CDC42EP4: variants seen among roughly 807,000 people sequenced by gnomAD.
The protein encoded by CDC42EP4 is CDC42 effector protein (Rho GTPase binding) 4.
CDC42EP4 carries 6 observed loss-of-function variants against 5.6 expected under a neutral mutation model. That is an observed-to-expected ratio of 1.07 (90% CI 0.59 to 2.12). The LOEUF is 2.12. Among genes scored for constraint, CDC42EP4 ranks in the 30% most tolerant of loss-of-function variants. The pLI is 0.00. For missense variants in CDC42EP4, 490 were observed against 508.6 expected, an observed-to-expected ratio of 0.96 and a Z score of 0.35; for synonymous variants, 230 against 224.2, an observed-to-expected ratio of 1.03 and a Z score of -0.23.
chr17:73,296,676 C>T (rs1390522779), intron 1 of CDC42EP4, among the ~76,000 whole-genome samples: 2 of 151,686 alleles, frequency 1.3e-5, no homozygotes, highest in African/African-American at 2.4e-5. Context: ...GTTGAAACCC[C>T]GTCTCTACTT....
intron 1 of CDC42EP4, among the ~76,000 whole-genome samples, chr17:73,292,332 T>C (rs542668129): frequency 2.0e-5 from 3 of 152,354 alleles, no homozygotes; most frequent in East Asian, 1.9e-4. Context: ...ATGACTTTAG[T>C]TGTGACCTGG....
chr17:73,305,235 G>A (rs116408409), intron 1 of CDC42EP4, among the ~76,000 whole-genome samples: 10 of 152,190 alleles, frequency 6.6e-5, no homozygotes, highest in African/African-American at 9.7e-5. Flanking sequence ...GCCACCACCC[G>A]AAGCCAGCCA....
chr17:73,305,038 AG>A (rs1019579203), intron 1 of CDC42EP4, among the ~76,000 whole-genome samples: 1 of 152,154 alleles, frequency 6.6e-6, no homozygotes. Flanking sequence ...CAGGAGGTGA[AG>A]GGGAAACCTT....
rs1002422770 is a variant in CDC42EP4 at position 73,304,654 on chromosome 17, G to A, written c.-113+7239C>T. Among the ~76,000 whole-genome samples, 4 of 149,754 alleles carry A rather than the reference G, an allele frequency of 2.7e-5. No individual in the cohort carries two copies. In the Admixed American group the frequency reaches 2.7e-4, roughly 10 times the overall value. On this transcript the variant is annotated intron_variant, in intron 1 of 1. Coordinates refer to ENST00000335793, the MANE Select transcript of CDC42EP4 (RefSeq NM_012121.5). ...CCACTCCACCATAAGGAACATCGGG[G>A]TGGGGGGGGCGGGTGGTGCGAGGGG...
chr17:73,288,264 C>T (rs2062143918), intron 1 of CDC42EP4, among the ~76,000 whole-genome samples: 1 of 152,126 alleles, frequency 6.6e-6, no homozygotes. Flanking sequence ...GGTTTTGAGG[C>T]AGATTCTCGC....
chr17:73,285,277 G>A lies in CDC42EP4; in HGVS notation c.*153C>T, dbSNP rs1377253014. On this transcript the variant is annotated 3_prime_UTR_variant, in exon 2 of 2. Transcript: ENST00000335793. This position sits in a 1 kb window ranked among gnomAD's most constrained non-coding sequence, Gnocchi z 6.8. ...CCCTACGTCCTCCGAAGACCCGAGG[G>A]CCAGGCCAGTGTCCCTCATCTACAA... 8 of 603,076 alleles carry A rather than the reference G, an allele frequency of 1.3e-5. No homozygotes were observed. The highest frequency in any genetic ancestry group is 2.0e-5 in the Non-Finnish European group (7 of 357,534). The allele number at this position is 603,076 out of a possible 1,614,324, so 37.4% of individuals were successfully genotyped here. A position where few individuals can be genotyped will look rare whatever the true frequency, so the allele number is the denominator to read the frequency against.
At chr17:73,305,011 G>A (rs756678905) in intron 1 of CDC42EP4, among the ~76,000 whole-genome samples, 16 of 152,268 alleles carry the variant, frequency 1.1e-4, no homozygotes, top group Non-Finnish European at 1.9e-4. Flanking sequence ...CTTCAGGCCA[G>A]GGGAGAAGCA....
intron 1 of CDC42EP4, among the ~76,000 whole-genome samples, chr17:73,305,046 C>A (rs965288690): frequency 6.6e-6 from 1 of 152,118 alleles, no homozygotes; most frequent in Admixed American, 6.5e-5. Context: ...GAAGGGGAAA[C>A]CTTCCCTCAC....
rs768927973 is a variant in CDC42EP4, at chr17:73,285,906, C to T, written c.595G>A (p.Gly199Arg). 1.3e-5 allele frequency: 21 copies of T among 1,613,986 alleles called. No individual in the cohort carries two copies. The highest frequency in any genetic ancestry group is 3.3e-5 in the South Asian group (3 of 91,086). Residue 199 changes from glycine (G) to arginine (R), a missense_variant, in exon 2 of 2, where the codon GGG (glycine) becomes AGG (arginine). Gly to Arg is a moderately radical substitution (Grantham distance 125). Coordinates refer to ENST00000335793, the MANE Select transcript of CDC42EP4 (RefSeq NM_012121.5). The surrounding 1 kb of genome is among the most constrained non-coding windows in gnomAD (Gnocchi z 6.8). ...DLPVVPKATY[G>R]LKHAESIMSF... ...ATGATGGACTCCGCATGCTTCAGCC[C>T]GTACGTGGCCTTGGGCACGACAGGC...
At chr17:73,292,270 CG>C (rs1204953300) in intron 1 of CDC42EP4, among the ~76,000 whole-genome samples, 1 of 152,246 alleles carries the variant, frequency 6.6e-6, no homozygotes, top group East Asian at 1.9e-4. Flanking sequence ...ACCAACCACC[CG>C]ATGCCAGGTC....
intron 1 of CDC42EP4, among the ~76,000 whole-genome samples, chr17:73,309,038 C>CAAAAAAAAAAAAAAAA (rs57714877): frequency 0.013 from 426 of 33,992 alleles, 76 homozygotes; most frequent in Middle Eastern, 0.071. Context: ...GCTCTGTCTC[C>CAAAAAAAAAAAAAAAA]AAAAAAAAAA....
chr17:73,310,865 C>G (rs1005237534), intron 1 of CDC42EP4: 1 of 152,518 alleles, frequency 6.6e-6, no homozygotes, highest in African/African-American at 2.4e-5. Context: ...CCAGCCCTCC[C>G]GGCCGGGGCA....
intron 1 of CDC42EP4, among the ~76,000 whole-genome samples, chr17:73,288,408 AT>A (rs749501604): frequency 2.9e-3 from 395 of 137,376 alleles, no homozygotes; most frequent in Admixed American, 3.2e-3. Flanking sequence ...ACGTCCAGCT[AT>A]TTTTTTTTTT....
chr17:73,300,750 CAAA>C (rs1279144088), intron 1 of CDC42EP4, among the ~76,000 whole-genome samples: 1 of 152,002 alleles, frequency 6.6e-6, no homozygotes, highest in Non-Finnish European at 1.5e-5. Context: ...AATAAACACA[CAAA>C]AATAAAAAAT....
chr17:73,308,616 C>T (rs1001981333), intron 1 of CDC42EP4, among the ~76,000 whole-genome samples: 1 of 152,164 alleles, frequency 6.6e-6, no homozygotes, highest in African/African-American at 2.4e-5. Context: ...CATCAAACAC[C>T]TTTTGGCCAC....
intron 1 of CDC42EP4, among the ~76,000 whole-genome samples, chr17:73,291,931 C>T (rs1434402206): frequency 7.2e-5 from 11 of 152,174 alleles, no homozygotes; most frequent in African/African-American, 2.2e-4. Context: ...CCTGAGACTA[C>T]GGAAGACCAC....
intron 1 of CDC42EP4, among the ~76,000 whole-genome samples, chr17:73,309,599 G>T (rs1212176603): frequency 6.6e-6 from 1 of 152,104 alleles, no homozygotes; most frequent in African/African-American, 2.4e-5. Flanking sequence ...GAAAAGAGAA[G>T]AGGAATCCAA....
chr17:73,294,742 C>T (rs2062176497), intron 1 of CDC42EP4, among the ~76,000 whole-genome samples: 2 of 152,192 alleles, frequency 1.3e-5, no homozygotes, highest in African/African-American at 4.8e-5. Context: ...TTTACACACA[C>T]ACACCACACA....
At chr17:73,303,623 C>G (rs61200269) in intron 1 of CDC42EP4, among the ~76,000 whole-genome samples, 1 of 148,350 alleles carries the variant, frequency 6.7e-6, no homozygotes. Flanking sequence ...GATCATGCCT[C>G]TGCACTCCAG....
Sources: allele counts gnomAD v4.1 joint callset (sites outside exome capture counted in the v4.1 genomes callset), GRCh38; gene constraint gnomAD v4.1.1; non-coding constraint Gnocchi (gnomAD v3.1); transcripts MANE v1.5; gene names NCBI Gene and HGNC (gene_info 2026-07-23, HGNC 2026-07-21).